The following TMTC2 variants were observed in gnomAD, a reference collection of about 807,000 sequenced individuals.
The protein encoded by TMTC2 is protein O-mannosyl-transferase TMTC2.
TMTC2 carries 43 observed loss-of-function variants against 82.4 expected under a neutral mutation model. That is an observed-to-expected ratio of 0.52 (90% confidence interval 0.41 to 0.67). The LOEUF (loss-of-function observed/expected upper bound fraction) is 0.67. Among genes scored for constraint, TMTC2 ranks in the 30% least tolerant of loss-of-function variants. TMTC2 has a pLI of 0.00. For synonymous variants in TMTC2, 408 were observed against 381.9 expected (o/e 1.07, Z -0.80); for missense variants, 919 against 1,012.4 (o/e 0.91, Z 1.25).
At chr12:83,125,350 G>A (rs1242635068) in intron 11 of TMTC2, among the ~76,000 whole-genome samples, 1 of 152,194 alleles carries the variant, frequency 6.6e-6, no homozygotes, top group Non-Finnish European at 1.5e-5. Flanking sequence ...TGAGGTAGTT[G>A]GGGCTCTGTG....
In TMTC2 at chr12:82,978,273, A is replaced by G. The variant is rs1487763692; in HGVS notation, c.1949-7652A>G. ...CTCTTTATGAAATGAATGTATATAA[A>G]TATCTGAGCACTGGTGAACCTACAA... is the stretch of plus-strand genomic sequence containing the variant. On this transcript the variant is annotated intron_variant, in intron 7 of 11. Coordinates refer to ENST00000321196, the MANE Select transcript of TMTC2 (RefSeq NM_152588.3). Among the ~76,000 whole-genome samples, 3 of 151,772 alleles carry G rather than the reference A, an allele frequency of 2.0e-5. No individual in the cohort carries two copies. The East Asian group carries it at 5.8e-4, about 29-fold the overall frequency.
At chr12:82,954,341 T>A (rs987547271) in intron 4 of TMTC2, among the ~76,000 whole-genome samples, 1 of 152,172 alleles carries the variant, frequency 6.6e-6, no homozygotes, top group Non-Finnish European at 1.5e-5. Flanking sequence ...TTTCATGGGT[T>A]CCCAAAACAC....
intron 3 of TMTC2, among the ~76,000 whole-genome samples, chr12:82,904,136 A>T (rs1036715712): frequency 2.6e-5 from 4 of 152,244 alleles, no homozygotes; most frequent in Middle Eastern, 3.4e-3. Context: ...ATCTTCCTTA[A>T]GGCAGATTTT....
chr12:82,908,313 G>A (rs1178726418), intron 3 of TMTC2, among the ~76,000 whole-genome samples: 1 of 151,724 alleles, frequency 6.6e-6, no homozygotes, highest in East Asian at 1.9e-4. Flanking sequence ...CTTATTTCTT[G>A]TTTAAAAAAT....
intron 2 of TMTC2, among the ~76,000 whole-genome samples, chr12:82,885,207 T>A (rs1873029551): frequency 7.0e-6 from 1 of 143,038 alleles, no homozygotes; most frequent in Non-Finnish European, 1.5e-5. Flanking sequence ...CCAGCCAGAC[T>A]TTGTTTTTGA....
At chr12:82,898,303 GT>G (rs1873783716) in intron 3 of TMTC2, among the ~76,000 whole-genome samples, 1 of 152,158 alleles carries the variant, frequency 6.6e-6, no homozygotes, top group Non-Finnish European at 1.5e-5. Context: ...TTATCAGCTA[GT>G]TTTTCTGCAC....
At chr12:82,716,944 A>G (rs1873931977) in intron 1 of TMTC2, among the ~76,000 whole-genome samples, 2 of 152,204 alleles carry the variant, frequency 1.3e-5, no homozygotes, top group Admixed American at 1.3e-4. Flanking sequence ...AGAAAGGTAT[A>G]TATAGAGGAG....
intron 3 of TMTC2, among the ~76,000 whole-genome samples, chr12:82,898,155 G>A (rs1873777602): frequency 1.3e-5 from 2 of 152,142 alleles, no homozygotes; most frequent in African/African-American, 2.4e-5. Flanking sequence ...TTGAGCTACT[G>A]CATAGCATGT....
intron 1 of TMTC2, among the ~76,000 whole-genome samples, chr12:82,718,622 G>A (rs1214001858): frequency 1.3e-5 from 2 of 152,122 alleles, no homozygotes; most frequent in African/African-American, 4.8e-5. Context: ...CAGAAGATGT[G>A]TTTTTCTTAT....
intron 8 of TMTC2, among the ~76,000 whole-genome samples, chr12:83,019,524 A>G (rs1042980762): frequency 1.3e-5 from 2 of 152,124 alleles, no homozygotes; most frequent in African/African-American, 4.8e-5. Context: ...GGTAAACCAC[A>G]CCCTTGACAT....
Position 82,743,184 on chromosome 12 carries a change from C to T in TMTC2, c.83+55515C>T, listed in dbSNP as rs573179041. 1.2e-3 allele frequency among the ~76,000 whole-genome samples: 189 copies of T among 152,146 alleles called. 2 individuals carry two copies. The highest frequency in any genetic ancestry group is 4.3e-3 in the African/African-American group (179 of 41,514). On this transcript the variant is annotated intron_variant, in intron 1 of 11. Transcript: ENST00000321196. ...GTAGCTGGGCGCAGTGGCTCAGGCCCATAATCCCAGCACTTTGGGAGGCCG... is the reference window on the plus strand; with the variant it reads ...GTAGCTGGGCGCAGTGGCTCAGGCCTATAATCCCAGCACTTTGGGAGGCCG...
At chr12:83,006,000 A>G (rs1437167847) in intron 8 of TMTC2, among the ~76,000 whole-genome samples, 1 of 152,186 alleles carries the variant, frequency 6.6e-6, no homozygotes, top group African/African-American at 2.4e-5. Context: ...CCTGGGCTTT[A>G]CACATGCTCA....
At chr12:82,876,364 C>T (rs1565789154) in intron 2 of TMTC2, among the ~76,000 whole-genome samples, 1 of 151,920 alleles carries the variant, frequency 6.6e-6, no homozygotes, top group African/African-American at 2.4e-5. Context: ...GTGAGGAGTG[C>T]ATTGGTGGTT....
chr12:82,739,953 G>A (rs527939088), intron 1 of TMTC2, among the ~76,000 whole-genome samples: 16 of 152,074 alleles, frequency 1.1e-4, no homozygotes, highest in African/African-American at 3.1e-4. Flanking sequence ...AAGATGAAAT[G>A]GAACATGTAT....
At chr12:83,093,477 G>A (rs991740523) in intron 11 of TMTC2, among the ~76,000 whole-genome samples, 1 of 140,028 alleles carries the variant, frequency 7.1e-6, no homozygotes, top group Admixed American at 6.8e-5. Context: ...CAAATGTGTT[G>A]TACAAAATAG....
chr12:82,690,482 A>G (rs1490037794), intron 1 of TMTC2: 5 of 864,384 alleles, frequency 5.8e-6, no homozygotes, highest in African/African-American at 3.6e-5. Flanking sequence ...TTTATAAACT[A>G]TATATAATTT....
At chr12:82,781,460 G>A (rs1877904284) in intron 1 of TMTC2, among the ~76,000 whole-genome samples, 1 of 139,554 alleles carries the variant, frequency 7.2e-6, no homozygotes, top group African/African-American at 2.7e-5. Context: ...TGGTTGTACA[G>A]ATTTCCTCTT....
intron 11 of TMTC2, among the ~76,000 whole-genome samples, chr12:83,126,227 T>C (rs930107894): frequency 3.1e-4 from 47 of 152,264 alleles, no homozygotes; most frequent in African/African-American, 1.1e-3. Flanking sequence ...TTGCTATGGG[T>C]ACACAAATAG....
chr12:83,045,733 A>ACACACACACACACCAGGGCT (rs1319599383), intron 9 of TMTC2, among the ~76,000 whole-genome samples: 1 of 148,624 alleles, frequency 6.7e-6, no homozygotes, highest in South Asian at 2.1e-4. Flanking sequence ...ACACGCACAC[A>ACACACACACACACCAGGGCT]CACACACACA....
Sources: gnomAD v4.1 joint callset for allele counts (sites outside exome capture counted in the v4.1 genomes callset) on GRCh38, gnomAD v4.1.1 for gene constraint, MANE v1.5 for transcripts, NCBI Gene and HGNC (gene_info 2026-07-23, HGNC 2026-07-21) for gene names.